The following ELMO1 variants were observed in gnomAD, a reference collection of about 807,000 sequenced individuals.
ELMO1 encodes engulfment and cell motility protein 1.
A neutral mutation model predicts 98.9 loss-of-function variants in ELMO1; 26 were observed. The observed-to-expected ratio is 0.26, with a 90% CI of 0.19 to 0.36. The LOEUF (loss-of-function observed/expected upper bound fraction) is 0.36. Among genes scored for constraint, ELMO1 ranks in the 10% least tolerant of loss-of-function variants. The pLI, the probability that ELMO1 is intolerant of heterozygous loss-of-function variation, is 1.00. For synonymous variants in ELMO1, 346 were observed against 346.0 expected (o/e 1.00, Z 0.00); for missense variants, 627 against 935.2 (o/e 0.67, Z 4.30).
intron 1 of ELMO1, among the ~76,000 whole-genome samples, chr7:37,359,313 A>C (rs1801610864): frequency 6.6e-6 from 1 of 152,228 alleles, no homozygotes; most frequent in Non-Finnish European, 1.5e-5. Flanking sequence ...TTGGACTCTG[A>C]CTGTCTGTAT....
At chr7:37,249,866 A>G (rs1306651072) in intron 6 of ELMO1, among the ~76,000 whole-genome samples, 1 of 152,130 alleles carries the variant, frequency 6.6e-6, no homozygotes, top group African/African-American at 2.4e-5. Flanking sequence ...ATTACTTGAG[A>G]CCAGGAGTTC....
intron 1 of ELMO1, among the ~76,000 whole-genome samples, chr7:37,359,111 A>G (rs777644346): frequency 3.3e-5 from 5 of 152,224 alleles, no homozygotes; most frequent in Non-Finnish European, 7.3e-5. Context: ...GTTGACCTGT[A>G]TCAAGGCAAT....
chr7:37,105,788 T>G (rs754029193), intron 14 of ELMO1, among the ~76,000 whole-genome samples: 5 of 152,232 alleles, frequency 3.3e-5, no homozygotes, highest in African/African-American at 9.6e-5. Flanking sequence ...TGTTTTGTTT[T>G]TCCTGTGACT....
chr7:37,443,018 A>G (rs6948492), intron 1 of ELMO1, among the ~76,000 whole-genome samples: 3,628 of 152,324 alleles, frequency 0.024, 135 homozygotes, highest in African/African-American at 0.083. Flanking sequence ...GTAAAATGGG[A>G]TAACAATACT....
intron 17 of ELMO1, among the ~76,000 whole-genome samples, chr7:36,893,295 T>A (rs1805715205): frequency 6.6e-6 from 1 of 152,216 alleles, no homozygotes; most frequent in South Asian, 2.1e-4. Context: ...GGTGAGAAAC[T>A]GCATCTCTGA....
At chr7:36,904,318 G>T (rs898539814) in intron 16 of ELMO1, among the ~76,000 whole-genome samples, 1 of 152,240 alleles carries the variant, frequency 6.6e-6, no homozygotes, top group Non-Finnish European at 1.5e-5. Flanking sequence ...GTTGGGAAGG[G>T]AGCTGCTCCC....
chr7:37,139,997 G>A (rs1025163951), intron 13 of ELMO1, among the ~76,000 whole-genome samples: 1 of 152,092 alleles, frequency 6.6e-6, no homozygotes, highest in Admixed American at 6.5e-5. Context: ...ATGGTGTTGG[G>A]ATAATTGGCA....
chr7:36,923,270 T>C (rs2129076510), intron 16 of ELMO1, among the ~76,000 whole-genome samples: 1 of 152,352 alleles, frequency 6.6e-6, no homozygotes, highest in South Asian at 2.1e-4. Context: ...AATGGGTTTG[T>C]TAGCATAACA....
chr7:37,191,062 G>A (rs1247003358), intron 13 of ELMO1, among the ~76,000 whole-genome samples: 3 of 151,254 alleles, frequency 2.0e-5, no homozygotes, highest in Non-Finnish European at 4.4e-5. Flanking sequence ...GGTGGTGGGC[G>A]CCTGTGGTCC....
At chr7:37,307,348 A>T (rs934620908) in intron 4 of ELMO1, among the ~76,000 whole-genome samples, 4 of 151,916 alleles carry the variant, frequency 2.6e-5, no homozygotes, top group African/African-American at 9.7e-5. Context: ...AAGGGGCTTT[A>T]TAAGGGGCTC....
At position 37,423,323 on chromosome 7, in the gene ELMO1, T is replaced by G. The variant is rs562328463; in HGVS notation, c.-74+25352A>C. Among the ~76,000 whole-genome samples the G allele has an allele frequency of 1.4e-3, 212 of 152,348 alleles. 1 individual carries two copies. Among genetic ancestry groups the G allele is most frequent in the Non-Finnish European group, 2.5e-3 (171 of 68,028 alleles). On this transcript the variant is annotated intron_variant, in intron 1 of 21. Coordinates refer to ENST00000310758, the MANE Select transcript of ELMO1 (RefSeq NM_014800.11). The stretch of plus-strand genomic sequence containing the variant: ...GGCCGGGCGTGGTGGCTTACACCTG[T>G]AACCCCAGCAATTTGGGAGGCCAAG...
chr7:37,203,721 G>T (rs1353541054), intron 13 of ELMO1, among the ~76,000 whole-genome samples: 1 of 152,148 alleles, frequency 6.6e-6, no homozygotes. Flanking sequence ...GCAGGCATTA[G>T]GACCCAGGCG....
chr7:37,390,878 G>A (rs562229506), intron 1 of ELMO1, among the ~76,000 whole-genome samples: 1 of 152,304 alleles, frequency 6.6e-6, no homozygotes, highest in South Asian at 2.1e-4. Context: ...CAGGTGGCTG[G>A]GGCAGGACAC....
At chr7:37,349,209 G>A (rs17259544) in intron 1 of ELMO1, among the ~76,000 whole-genome samples, 19,660 of 152,208 alleles carry the variant, frequency 0.13, 1,490 homozygotes, top group Non-Finnish European at 0.18. Context: ...CCTCTGTCCC[G>A]CTAAGTCATT....
chr7:37,043,781 C>G (rs1795654597), intron 15 of ELMO1, among the ~76,000 whole-genome samples: 2 of 152,018 alleles, frequency 1.3e-5, no homozygotes, highest in Admixed American at 1.3e-4. Context: ...GACAGTCACA[C>G]AGAGCAGGGA....
rs184427018 is a variant in ELMO1, at chr7:37,156,335, G to T, written c.1087-23101C>A. Among the ~76,000 whole-genome samples, 372 of 152,200 alleles carry T rather than the reference G, an allele frequency of 2.4e-3. 2 individuals carry two copies. Among genetic ancestry groups the T allele is most frequent in the African/African-American group, 8.7e-3 (360 of 41,538 alleles). On this transcript the variant is annotated intron_variant, in intron 13 of 21. Coordinates refer to ENST00000310758, the MANE Select transcript of ELMO1 (RefSeq NM_014800.11). Reference sequence around the variant, plus strand: ...AACTAAGGTCAGAGCAGAACTGAAGGAGACAGAGATACAAAAAAACCCTTC... The same window carrying T: ...AACTAAGGTCAGAGCAGAACTGAAGTAGACAGAGATACAAAAAAACCCTTC...
intron 1 of ELMO1, among the ~76,000 whole-genome samples, chr7:37,438,296 T>TACTGAATC (rs1348471263): frequency 9.2e-5 from 14 of 151,802 alleles, no homozygotes; most frequent in Non-Finnish European, 1.8e-4. Flanking sequence ...GAATAGAAAC[T>TACTGAATC]ACTGAATCGG....
intron 1 of ELMO1, among the ~76,000 whole-genome samples, chr7:37,413,370 C>A (rs753928615): frequency 6.6e-6 from 1 of 152,144 alleles, no homozygotes; most frequent in South Asian, 2.1e-4. Context: ...CCTGACCAGA[C>A]TGAAAGACCA....
At position 37,047,043 on chromosome 7, in the gene ELMO1, A is replaced by C. The variant is rs1262601582; in HGVS notation, c.1301-33608T>G. On this transcript the variant is annotated intron_variant, in intron 15 of 21. Coordinates refer to ENST00000310758, the MANE Select transcript of ELMO1 (RefSeq NM_014800.11). ...TTTCCAAATATTATACTTTTTAGAA[A>C]GATGTCATAGTTGGTCTTAGGTAGT... is the stretch of plus-strand genomic sequence containing the variant. Among the ~76,000 whole-genome samples, 6 of 152,340 alleles carry C rather than the reference A, an allele frequency of 3.9e-5. No homozygotes were observed. The East Asian group carries it at 1.2e-3, about 29-fold the overall frequency.
Sources: gnomAD v4.1 joint callset for allele counts (sites outside exome capture counted in the v4.1 genomes callset) on GRCh38, gnomAD v4.1.1 for gene constraint, MANE v1.5 for transcripts, NCBI Gene and HGNC (gene_info 2026-07-23, HGNC 2026-07-21) for gene names.